The following LHFPL3 variants were observed in gnomAD, a reference collection of about 807,000 sequenced individuals.
The protein encoded by LHFPL3 is LHFPL tetraspan subfamily member 3 protein.
LHFPL3 carries 5 observed loss-of-function variants against 19.3 expected under a neutral mutation model. That is an observed-to-expected ratio of 0.26 (90% confidence interval 0.14 to 0.54). The LOEUF (loss-of-function observed/expected upper bound fraction) is 0.54. Among genes scored for constraint, LHFPL3 ranks in the 20% least tolerant of loss-of-function variants. The probability of loss-of-function intolerance (pLI) is 0.94; values close to 1 mark genes in which losing one functional copy is unlikely to be tolerated. For missense variants in LHFPL3, 249 were observed against 307.4 expected (o/e 0.81, Z 1.42); for synonymous variants, 133 against 126.2 (o/e 1.05, Z -0.36).
chr7:104,452,389 C>G (rs1340073988), intron 1 of LHFPL3, among the ~76,000 whole-genome samples: 1 of 152,094 alleles, frequency 6.6e-6, no homozygotes, highest in Non-Finnish European at 1.5e-5. Context: ...CCTTGTAACT[C>G]AAACCTTTGT....
At position 104,593,591 on chromosome 7, in the gene LHFPL3, C is replaced by G. The variant is rs535746949; in HGVS notation, c.446-143084C>G. Among the ~76,000 whole-genome samples, 101 of 152,138 alleles carry G rather than the reference C, an allele frequency of 6.6e-4. 1 individual carries two copies. Among genetic ancestry groups the G allele is most frequent in the African/African-American group, 2.3e-3 (96 of 41,494 alleles). ...AGAGCTGAGTTCAGGTCCTGGATAT[C>G]CTTGTTAACCTTCTGTCTTGTTGAT... On this transcript the variant is annotated intron_variant, in intron 1 of 2. Transcript: ENST00000424859.
chr7:104,443,280 C>T (rs529106053), intron 1 of LHFPL3, among the ~76,000 whole-genome samples: 2 of 152,278 alleles, frequency 1.3e-5, no homozygotes, highest in African/African-American at 4.8e-5. Context: ...AACCAGAATA[C>T]TGCGATAACA....
chr7:104,339,481 C>T (rs1789904787), intron 1 of LHFPL3, among the ~76,000 whole-genome samples: 1 of 152,176 alleles, frequency 6.6e-6, no homozygotes, highest in African/African-American at 2.4e-5. Context: ...CGGCATGTTT[C>T]CACTAAGTCT....
At position 104,851,134 on chromosome 7, in the gene LHFPL3, A is replaced by C. The variant is rs1223491081; in HGVS notation, c.683-55053A>C. ...ATATCATAGTGTTCCAAGTCTTCAG[A>C]TGGGATTGTAATGTTTACTTTGACA... On this transcript the variant is annotated intron_variant, in intron 2 of 2. Coordinates refer to ENST00000424859, the MANE Select transcript of LHFPL3 (RefSeq NM_199000.3). 2.0e-5 allele frequency among the ~76,000 whole-genome samples: 3 copies of C among 152,360 alleles called. No homozygotes were observed. In the East Asian group the frequency reaches 5.8e-4, roughly 29 times the overall value.
chr7:104,853,648 C>T (rs1791450625), intron 2 of LHFPL3, among the ~76,000 whole-genome samples: 1 of 152,098 alleles, frequency 6.6e-6, no homozygotes, highest in Non-Finnish European at 1.5e-5. Context: ...AGTATATATT[C>T]AAAATCCCAC....
At chr7:104,449,200 G>C (rs1031161098) in intron 1 of LHFPL3, among the ~76,000 whole-genome samples, 1 of 152,192 alleles carries the variant, frequency 6.6e-6, no homozygotes. Context: ...ATCACACAAG[G>C]ATTTCTAACA....
At chr7:104,622,691 A>T (rs1448863506) in intron 1 of LHFPL3, among the ~76,000 whole-genome samples, 1 of 152,192 alleles carries the variant, frequency 6.6e-6, no homozygotes, top group Non-Finnish European at 1.5e-5. Flanking sequence ...ATCATGCAAT[A>T]ACTGGTTTTT....
intron 2 of LHFPL3, among the ~76,000 whole-genome samples, chr7:104,863,230 T>G (rs1202639910): frequency 1.3e-5 from 2 of 152,182 alleles, no homozygotes; most frequent in African/African-American, 2.4e-5. Context: ...TCTTATAAAG[T>G]GAATGATGCA....
At chr7:104,470,674 A>G (rs758715878) in intron 1 of LHFPL3, among the ~76,000 whole-genome samples, 7 of 152,198 alleles carry the variant, frequency 4.6e-5, no homozygotes, top group Non-Finnish European at 7.3e-5. Flanking sequence ...AACTTGACCC[A>G]GGTCACACAG....
chr7:104,762,112 A>G (rs1440794299), intron 2 of LHFPL3, among the ~76,000 whole-genome samples: 1 of 152,222 alleles, frequency 6.6e-6, no homozygotes, highest in African/African-American at 2.4e-5. Context: ...CAGCAGGGAC[A>G]TAGAGGACTC....
At chr7:104,593,851 T>C (rs528575999) in intron 1 of LHFPL3, among the ~76,000 whole-genome samples, 1 of 151,124 alleles carries the variant, frequency 6.6e-6, no homozygotes, top group Non-Finnish European at 1.5e-5. Flanking sequence ...TTTTATCAGA[T>C]ACTAGGATTG....
intron 2 of LHFPL3, among the ~76,000 whole-genome samples, chr7:104,827,382 A>C (rs1389853234): frequency 6.6e-6 from 1 of 152,010 alleles, no homozygotes; most frequent in Non-Finnish European, 1.5e-5. Flanking sequence ...GATTTGGTAT[A>C]GATAAATGGA....
intron 1 of LHFPL3, among the ~76,000 whole-genome samples, chr7:104,696,533 G>A (rs1042085414): frequency 6.6e-6 from 1 of 152,030 alleles, no homozygotes; most frequent in Admixed American, 6.6e-5. Flanking sequence ...AAAGGATAGT[G>A]AGAATATGGG....
chr7:104,834,620 G>A (rs1791056127), intron 2 of LHFPL3, among the ~76,000 whole-genome samples: 1 of 152,062 alleles, frequency 6.6e-6, no homozygotes, highest in African/African-American at 2.4e-5. Context: ...ATACAAAGGA[G>A]GGATGGGAGG....
chr7:104,534,330 C>T (rs1053235401), intron 1 of LHFPL3, among the ~76,000 whole-genome samples: 2 of 152,150 alleles, frequency 1.3e-5, no homozygotes, highest in East Asian at 1.9e-4. Flanking sequence ...AGGGCTATGA[C>T]GTCAGAACTC....
chr7:104,532,133 T>C (rs1011430533), intron 1 of LHFPL3, among the ~76,000 whole-genome samples: 2 of 152,138 alleles, frequency 1.3e-5, no homozygotes, highest in African/African-American at 4.8e-5. Context: ...TTATTTTTAT[T>C]TTGAAACTGG....
At chr7:104,855,698 A>G (rs1791492354) in intron 2 of LHFPL3, among the ~76,000 whole-genome samples, 1 of 150,390 alleles carries the variant, frequency 6.6e-6, no homozygotes. Flanking sequence ...ATCTCAGCTC[A>G]CTGCAACCTC....
chr7:104,832,798 G>A lies in LHFPL3; in HGVS notation c.683-73389G>A, dbSNP rs368552568. On this transcript the variant is annotated intron_variant, in intron 2 of 2. Transcript: ENST00000424859. ...TCGAGACCAGCCTGGCCAACATGAC[G>A]AAACCCTGTCTCTACTAAAAATACA... 1.6e-3 allele frequency among the ~76,000 whole-genome samples: 234 copies of A among 148,180 alleles called. 4 individuals are homozygous for A. Among genetic ancestry groups the A allele is most frequent in the African/African-American group, 5.5e-3 (219 of 39,800 alleles).
At chr7:104,761,823 G>A (rs1290986180) in intron 2 of LHFPL3, among the ~76,000 whole-genome samples, 1 of 152,122 alleles carries the variant, frequency 6.6e-6, no homozygotes, top group African/African-American at 2.4e-5. Context: ...AAAAGACACA[G>A]AATACCATAT....
Sources: gnomAD v4.1 joint callset for allele counts (sites outside exome capture counted in the v4.1 genomes callset) on GRCh38, gnomAD v4.1.1 for gene constraint, MANE v1.5 for transcripts, NCBI Gene and HGNC (gene_info 2026-07-23, HGNC 2026-07-21) for gene names.